CDH12: variants seen among roughly 807,000 people sequenced by gnomAD.
CDH12 encodes cadherin 12.
CDH12 carries 41 observed loss-of-function variants against 74.1 expected under a neutral mutation model. The ratio of observed to expected loss-of-function variants is 0.55; its 90% CI spans 0.43 to 0.72. CDH12 has a LOEUF of 0.72. Among genes scored for constraint, CDH12 ranks in the 30% least tolerant of loss-of-function variants. The pLI is 0.00. For synonymous variants in CDH12, 399 were observed against 355.0 expected (o/e 1.12, Z -1.39); for missense variants, 945 against 977.2 (o/e 0.97, Z 0.44).
intron 3 of CDH12, among the ~76,000 whole-genome samples, chr5:22,352,399 T>C (rs1740392315): frequency 6.6e-6 from 1 of 152,000 alleles, no homozygotes; most frequent in Admixed American, 6.6e-5. Flanking sequence ...GCGAAATAAA[T>C]AAATAAACAA....
chr5:22,312,704 C>A (rs1738445897), intron 3 of CDH12, among the ~76,000 whole-genome samples: 1 of 152,140 alleles, frequency 6.6e-6, no homozygotes, highest in Non-Finnish European at 1.5e-5. Flanking sequence ...AAACACTAAT[C>A]CATCTTTTTT....
chr5:22,614,908 A>G (rs965346937), intron 1 of CDH12, among the ~76,000 whole-genome samples: 45 of 152,090 alleles, frequency 3.0e-4, no homozygotes, highest in African/African-American at 1.0e-3. Context: ...GACGGTTACC[A>G]AGCAACTCAT....
intron 9 of CDH12, among the ~76,000 whole-genome samples, chr5:21,809,246 T>C (rs1310046477): frequency 6.6e-6 from 1 of 152,034 alleles, no homozygotes; most frequent in Non-Finnish European, 1.5e-5. Flanking sequence ...GGAATAAATT[T>C]AGTAACCAAG....
intron 1 of CDH12, among the ~76,000 whole-genome samples, chr5:22,712,121 T>A (rs1355556279): frequency 6.6e-6 from 1 of 152,034 alleles, no homozygotes; most frequent in African/African-American, 2.4e-5. Flanking sequence ...GTTATAGGTA[T>A]CGTTATACCT....
chr5:21,995,644 C>T (rs1285175026), intron 5 of CDH12, among the ~76,000 whole-genome samples: 1 of 151,726 alleles, frequency 6.6e-6, no homozygotes, highest in Non-Finnish European at 1.5e-5. Flanking sequence ...ATCATAGGCA[C>T]ATACAGGAAG....
chr5:22,315,293 G>A (rs1052976684), intron 3 of CDH12, among the ~76,000 whole-genome samples: 2 of 151,710 alleles, frequency 1.3e-5, no homozygotes, highest in Non-Finnish European at 2.9e-5. Flanking sequence ...CAAGAGAAAA[G>A]ATCATTTATC....
chr5:22,493,174 C>G (rs1279465252), intron 2 of CDH12, among the ~76,000 whole-genome samples: 1 of 152,190 alleles, frequency 6.6e-6, no homozygotes, highest in Non-Finnish European at 1.5e-5. Context: ...GGCTTCAAGT[C>G]AGAGGCAACT....
chr5:22,287,334 G>A (rs886519068), intron 3 of CDH12, among the ~76,000 whole-genome samples: 3 of 152,020 alleles, frequency 2.0e-5, no homozygotes, highest in Non-Finnish European at 4.4e-5. Context: ...TGTTAAGGTA[G>A]CTCAGAAAGA....
At chr5:22,802,271 G>T (rs906611444) in intron 1 of CDH12, among the ~76,000 whole-genome samples, 3 of 151,600 alleles carry the variant, frequency 2.0e-5, no homozygotes, top group African/African-American at 4.8e-5. Context: ...ACAGGCGCCC[G>T]CCACCACACC....
At chr5:22,180,720 C>T (rs1343668989) in intron 4 of CDH12, among the ~76,000 whole-genome samples, 2 of 151,872 alleles carry the variant, frequency 1.3e-5, no homozygotes, top group East Asian at 1.9e-4. Context: ...AGGCTGGTCT[C>T]GAACTCCTGA....
chr5:22,837,414 A>T (rs1415566383), intron 1 of CDH12, among the ~76,000 whole-genome samples: 6 of 152,206 alleles, frequency 3.9e-5, no homozygotes, highest in South Asian at 2.1e-4. Flanking sequence ...TCTCAAAAAT[A>T]AAAATTAAAA....
At chr5:22,019,965 T>C (rs189318114) in intron 5 of CDH12, among the ~76,000 whole-genome samples, 3 of 152,254 alleles carry the variant, frequency 2.0e-5, no homozygotes, top group African/African-American at 7.2e-5. Context: ...CCAATGGCAC[T>C]GGACCACTTA....
chr5:22,345,144 T>C (rs1028236993), intron 3 of CDH12, among the ~76,000 whole-genome samples: 1 of 152,172 alleles, frequency 6.6e-6, no homozygotes, highest in Non-Finnish European at 1.5e-5. Flanking sequence ...GCCCATGGTG[T>C]TCCTATTCTG....
At position 22,548,927 on chromosome 5, in the gene CDH12, A is replaced by C. The variant is rs771306318; in HGVS notation, c.-522-43563T>G. Among the ~76,000 whole-genome samples, 55 of 151,568 alleles carry C rather than the reference A, an allele frequency of 3.6e-4. 1 individual carries two copies. The highest frequency in any genetic ancestry group is 5.9e-5 in the Non-Finnish European group (4 of 67,864). ...TCAAAACCATTTGACCACCAAATCC[A>C]GGGTTTTTTGTTTGTTTGTTTGTTT... On this transcript the variant is annotated intron_variant, in intron 1 of 14. Coordinates refer to ENST00000382254, the MANE Select transcript of CDH12 (RefSeq NM_004061.5).
At chr5:22,594,809 G>GA (rs35779330) in intron 1 of CDH12, among the ~76,000 whole-genome samples, 1 of 151,874 alleles carries the variant, frequency 6.6e-6, no homozygotes, top group African/African-American at 2.4e-5. Context: ...CTGCTGAGGG[G>GA]AAAAAATACA....
intron 2 of CDH12, among the ~76,000 whole-genome samples, chr5:22,502,977 C>T (rs1263386458): frequency 6.6e-6 from 1 of 151,958 alleles, no homozygotes; most frequent in Non-Finnish European, 1.5e-5. Context: ...TTATCTATTT[C>T]TCTTTATAGT....
rs1055199877 is a variant in CDH12, at chr5:21,830,199, C to CAAAAAAAAAAAAAA, written c.814+11948_814+11961dup. Among the ~76,000 whole-genome samples the CAAAAAAAAAAAAAA allele has an allele frequency of 2.2e-3, 56 of 25,250 alleles. 2 individuals are homozygous for CAAAAAAAAAAAAAA. Among genetic ancestry groups the CAAAAAAAAAAAAAA allele is most frequent in the African/African-American group, 3.7e-3 (31 of 8,270 alleles). 16.6% of individuals were successfully genotyped at this position (25,250 alleles called of 152,430 possible). On this transcript the variant is annotated intron_variant, in intron 8 of 14. Transcript: ENST00000382254. ...GGGTGACAACAGTGAAACTCCTTCT[C>CAAAAAAAAAAAAAA]AAAAAAAAAAAAAAAAAAAAAAAAA...
chr5:22,218,161 C>T (rs1295819859), intron 3 of CDH12, among the ~76,000 whole-genome samples: 2 of 151,608 alleles, frequency 1.3e-5, no homozygotes, highest in Non-Finnish European at 3.0e-5. Flanking sequence ...TAAAAGGATG[C>T]AATCACTCTA....
chr5:22,097,546 C>T (rs140685072), intron 4 of CDH12, among the ~76,000 whole-genome samples: 20,716 of 152,046 alleles, frequency 0.14, 1,496 homozygotes, highest in African/African-American at 0.17. Flanking sequence ...TTAGACAATA[C>T]TCTTTTAAGC....
Sources: gnomAD v4.1 joint callset for allele counts (sites outside exome capture counted in the v4.1 genomes callset) on GRCh38, gnomAD v4.1.1 for gene constraint, MANE v1.5 for transcripts, NCBI Gene and HGNC (gene_info 2026-07-23, HGNC 2026-07-21) for gene names.